The following GRM7 variants were observed in gnomAD, a reference collection of about 807,000 sequenced individuals.
GRM7 encodes glutamate metabotropic receptor 7.
A neutral mutation model predicts 84.5 loss-of-function variants in GRM7; 35 were observed. That is an observed-to-expected ratio of 0.41 (90% confidence interval 0.32 to 0.55). The LOEUF (loss-of-function observed/expected upper bound fraction) is 0.55. GRM7 is among the 20% of genes least tolerant of loss of function. The pLI is 0.19. For missense variants in GRM7, 1,003 were observed against 1,194.6 expected (o/e 0.84, Z 2.36); for synonymous variants, 487 against 455.1 (o/e 1.07, Z -0.89).
intron 1 of GRM7, among the ~76,000 whole-genome samples, chr3:7,016,789 T>C (rs1575133833): frequency 6.6e-6 from 1 of 152,320 alleles, no homozygotes; most frequent in South Asian, 2.1e-4. Context: ...ATTGCCACTA[T>C]AGTATTGTTT....
chr3:6,977,539 A>C (rs1259334120), intron 1 of GRM7, among the ~76,000 whole-genome samples: 1 of 151,896 alleles, frequency 6.6e-6, no homozygotes, highest in African/African-American at 2.4e-5. Flanking sequence ...AGCAATGCCA[A>C]CCCCCCACTA....
At chr3:6,929,279 G>A (rs1025290427) in intron 1 of GRM7, among the ~76,000 whole-genome samples, 1 of 152,228 alleles carries the variant, frequency 6.6e-6, no homozygotes, top group East Asian at 1.9e-4. Context: ...TTGTCCCCAT[G>A]ACTATTCTGT....
chr3:7,434,309 G>A (rs1208433536), intron 5 of GRM7, among the ~76,000 whole-genome samples: 2 of 152,132 alleles, frequency 1.3e-5, no homozygotes, highest in African/African-American at 4.8e-5. Context: ...TTGCACTGAT[G>A]AGGACTTCCT....
intron 1 of GRM7, among the ~76,000 whole-genome samples, chr3:7,068,075 A>G (rs1697730846): frequency 6.6e-6 from 1 of 152,004 alleles, no homozygotes; most frequent in Non-Finnish European, 1.5e-5. Context: ...TCCATCCATG[A>G]TGCTGAAACA....
At chr3:7,323,402 C>G (rs1023178531) in intron 4 of GRM7, among the ~76,000 whole-genome samples, 6 of 152,134 alleles carry the variant, frequency 3.9e-5, no homozygotes, top group Non-Finnish European at 8.8e-5. Flanking sequence ...CTGTAACTGG[C>G]ATAGTAGGAT....
chr3:7,581,797 C>G (rs913723982), intron 8 of GRM7, among the ~76,000 whole-genome samples: 2 of 151,916 alleles, frequency 1.3e-5, no homozygotes, highest in African/African-American at 4.8e-5. Flanking sequence ...CTAGGAATAT[C>G]TGTAAAAATT....
intron 8 of GRM7, among the ~76,000 whole-genome samples, chr3:7,595,530 T>A (rs887680491): frequency 7.3e-5 from 11 of 151,370 alleles, no homozygotes; most frequent in African/African-American, 2.7e-4. Context: ...GGAGGGAGAG[T>A]GAGAGAGTGG....
At position 7,579,181 on chromosome 3, in the gene GRM7, T is replaced by C. The variant is rs781428801; in HGVS notation, c.2275T>C (p.Ser759Pro). 6.2e-7 allele frequency: 1 copy of C among 1,614,020 alleles called. No homozygotes were observed. The highest frequency in any genetic ancestry group is 8.5e-7 in the Non-Finnish European group (1 of 1,179,924). Residue 759 changes from serine (S) to proline (P), a missense_variant, in exon 8 of 10, where the codon TCC (serine) becomes CCC (proline). This residue lies in a region of GRM7 where 910 missense variants were observed against 1,126.0 expected (regional missense o/e 0.81). Transcript: ENST00000357716. Reference sequence around the variant, plus strand: ...CATTACAGATCTCCAAATCATTTGCTCCTTGGGATATAGCATTCTTCTCAT... The same window carrying C: ...CATTACAGATCTCCAAATCATTTGCCCCTTGGGATATAGCATTCTTCTCAT... ...CDITDLQIIC[S>P]LGYSILLMVT...
At chr3:7,019,553 G>T (rs1255001830) in intron 1 of GRM7, among the ~76,000 whole-genome samples, 1 of 152,192 alleles carries the variant, frequency 6.6e-6, no homozygotes, top group African/African-American at 2.4e-5. Flanking sequence ...AGGGATCAGG[G>T]ATGAATGAGT....
At chr3:7,459,095 G>A (rs1270845204) in intron 6 of GRM7, among the ~76,000 whole-genome samples, 2 of 152,126 alleles carry the variant, frequency 1.3e-5, no homozygotes, top group African/African-American at 4.8e-5. Flanking sequence ...TTATGATAAA[G>A]TGGGTGCCTT....
intron 1 of GRM7, among the ~76,000 whole-genome samples, chr3:7,018,695 G>C (rs1435134395): frequency 6.6e-6 from 1 of 152,232 alleles, no homozygotes; most frequent in African/African-American, 2.4e-5. Flanking sequence ...TGCTGCTGCA[G>C]CAGTGGCTGG....
chr3:7,731,695 C>G (rs1018113597), intron 9 of GRM7, among the ~76,000 whole-genome samples: 1 of 152,186 alleles, frequency 6.6e-6, no homozygotes, highest in Admixed American at 6.5e-5. Flanking sequence ...TCCAGAGATT[C>G]TAAGACATGC....
At chr3:7,153,690 G>A (rs192335459) in intron 2 of GRM7, among the ~76,000 whole-genome samples, 1 of 152,190 alleles carries the variant, frequency 6.6e-6, no homozygotes, top group African/African-American at 2.4e-5. Flanking sequence ...AAGAAATCTG[G>A]TGATATGACT....
At chr3:7,631,548 A>G (rs1271724172) in intron 8 of GRM7, among the ~76,000 whole-genome samples, 1 of 152,190 alleles carries the variant, frequency 6.6e-6, no homozygotes, top group African/African-American at 2.4e-5. Flanking sequence ...CAGTGAAGAG[A>G]TACCTGCCTT....
At chr3:6,934,604 G>C (rs7637939) in intron 1 of GRM7, among the ~76,000 whole-genome samples, 29,318 of 152,062 alleles carry the variant, frequency 0.19, 3,997 homozygotes, top group African/African-American at 0.38. Flanking sequence ...GAAGAGATTT[G>C]ACAGACCATG....
chr3:7,337,128 C>G (rs1420986930), intron 4 of GRM7, among the ~76,000 whole-genome samples: 1 of 152,038 alleles, frequency 6.6e-6, no homozygotes, highest in Non-Finnish European at 1.5e-5. Context: ...TACTTACAGC[C>G]AACTGCTCTT....
intron 1 of GRM7, among the ~76,000 whole-genome samples, chr3:7,014,988 T>C (rs1428850195): frequency 6.6e-6 from 1 of 152,116 alleles, no homozygotes; most frequent in East Asian, 1.9e-4. Context: ...TGTGGCTAGT[T>C]AGAGGTGTGT....
rs1654413692 is a variant in GRM7, at chr3:7,099,711, CA to C, written c.520-46740del. Among the ~76,000 whole-genome samples, 9 of 82,866 alleles carry C rather than the reference CA, an allele frequency of 1.1e-4. 1 individual carries two copies. Among genetic ancestry groups the C allele is most frequent in the African/African-American group, 4.2e-4 (3 of 7,120 alleles). The allele number at this position is 82,866 out of a possible 152,430, so 54.4% of individuals were successfully genotyped here. On this transcript the variant is annotated intron_variant, in intron 1 of 9. Transcript: ENST00000357716. Reference sequence around the variant, plus strand: ...TATATGTATATGTACACGCATTATACATGTGCACATACATGTATATGTACAC... The same window carrying C: ...TATATGTATATGTACACGCATTATACTGTGCACATACATGTATATGTACAC...
At position 6,862,722 on chromosome 3, in the gene GRM7, T is replaced by TCCCCCCCCCCCCCCCC. The variant is rs150780642; in HGVS notation, c.519+822_519+823insCCCCCCCCCCCCCCCC. 4.1e-6 allele frequency: 1 copy of TCCCCCCCCCCCCCCCC among 241,366 alleles called. No individual in the cohort carries two copies. The highest frequency in any genetic ancestry group is 2.7e-5 in the African/African-American group (1 of 36,770). The allele number at this position is 241,366 out of a possible 1,614,324, so 15.0% of individuals were successfully genotyped here. On this transcript the variant is annotated intron_variant, in intron 1 of 9. Coordinates refer to ENST00000357716, the MANE Select transcript of GRM7 (RefSeq NM_000844.4). This position sits in a 1 kb window ranked among gnomAD's most constrained non-coding sequence, Gnocchi z 5.2. ...ATCGCTCTCCCTGCCTCCTCCCTCC[T>TCCCCCCCCCCCCCCCC]CCCCCCCGCCCCCCTCACCCACTAT...
Sources: allele counts gnomAD v4.1 joint callset (sites outside exome capture counted in the v4.1 genomes callset), GRCh38; gene constraint gnomAD v4.1.1; regional missense constraint gnomAD v4.1.1; non-coding constraint Gnocchi (gnomAD v3.1); transcripts MANE v1.5; gene names NCBI Gene and HGNC (gene_info 2026-07-23, HGNC 2026-07-21).